The following CEP128 variants were observed in gnomAD, a reference collection of about 807,000 sequenced individuals.
The protein encoded by CEP128 is centrosomal protein 128.
In CEP128, 132 loss-of-function variants were observed where a neutral mutation model predicts 156.7. The observed-to-expected ratio is 0.84, with a 90% CI of 0.73 to 0.97. The LOEUF is 0.97. Ranked by LOEUF, CEP128 falls within the 50% of genes least tolerant of loss-of-function variation. CEP128 has a pLI of 0.00. For synonymous variants in CEP128, 469 were observed against 448.9 expected, an observed-to-expected ratio of 1.04 and a Z score of -0.57; for missense variants, 1,252 against 1,281.9, an observed-to-expected ratio of 0.98 and a Z score of 0.36.
chr14:80,926,564 A>G (rs1267870957), intron 2 of CEP128, among the ~76,000 whole-genome samples: 1 of 152,074 alleles, frequency 6.6e-6, no homozygotes, highest in Non-Finnish European at 1.5e-5. Flanking sequence ...TTGCCCATCC[A>G]CCTACTCTGG....
chr14:80,801,507 T>A (rs1481080765), intron 13 of CEP128, among the ~76,000 whole-genome samples: 3 of 151,728 alleles, frequency 2.0e-5, no homozygotes, highest in Admixed American at 6.6e-5. Flanking sequence ...AACTTAAACA[T>A]ATTTAGAAGA....
intron 16 of CEP128, among the ~76,000 whole-genome samples, chr14:80,762,271 T>G (rs923208545): frequency 4.0e-5 from 5 of 124,304 alleles, no homozygotes; most frequent in Non-Finnish European, 8.8e-5. Flanking sequence ...TAAATCATTA[T>G]GATTATACAG....
At chr14:80,709,232 G>A (rs530947267) in intron 19 of CEP128, among the ~76,000 whole-genome samples, 5 of 151,460 alleles carry the variant, frequency 3.3e-5, no homozygotes, top group South Asian at 4.2e-4. Flanking sequence ...TCTGCTTCCC[G>A]GGTTCAAGTG....
chr14:80,800,263 G>C (rs1883763676), intron 13 of CEP128, among the ~76,000 whole-genome samples: 1 of 152,116 alleles, frequency 6.6e-6, no homozygotes, highest in East Asian at 1.9e-4. Flanking sequence ...TTATAAAATG[G>C]ACTCAATAAC....
intron 13 of CEP128, among the ~76,000 whole-genome samples, chr14:80,802,847 C>T (rs1327394290): frequency 6.6e-6 from 1 of 152,042 alleles, no homozygotes; most frequent in Non-Finnish European, 1.5e-5. Flanking sequence ...ATTATGGCAA[C>T]ATTAAAAATA....
intron 8 of CEP128, among the ~76,000 whole-genome samples, chr14:80,889,524 G>A (rs1013879618): frequency 1.4e-4 from 22 of 152,296 alleles, no homozygotes; most frequent in African/African-American, 5.1e-4. Context: ...ACAAGAAATG[G>A]AGAAAGGATT....
rs149827319 is a variant in CEP128 at position 80,743,206 on chromosome 14, C to T, written c.2675G>A (p.Arg892Gln). Residue 892 changes from arginine to glutamine, a missense_variant, in exon 19 of 25, where the codon CGA becomes CAA. Physicochemically the swap from Arg to Gln is conservative, Grantham distance 43 (BLOSUM62 1). Coordinates refer to ENST00000555265, the MANE Select transcript of CEP128 (RefSeq NM_152446.5). Reference protein sequence around the residue: ...KERENREKNLRHQLMLCRQQL... With the variant: ...KERENREKNLQHQLMLCRQQL... ...TTGTCTGCAGAGCATCAGCTGGTGTCGCAGATTTTTCTCTCTGTTTTCTCT... is the reference window on the plus strand; with the variant it reads ...TTGTCTGCAGAGCATCAGCTGGTGTTGCAGATTTTTCTCTCTGTTTTCTCT... 6.8e-6 allele frequency: 11 copies of T among 1,613,490 alleles called. No individual in the cohort carries two copies. In the African/African-American group the frequency reaches 1.2e-4, roughly 18 times the overall value.
At chr14:80,847,035 T>G (rs1447877426) in intron 9 of CEP128, among the ~76,000 whole-genome samples, 2 of 152,168 alleles carry the variant, frequency 1.3e-5, no homozygotes, top group Non-Finnish European at 2.9e-5. Context: ...TAGCTTGCTC[T>G]GTAAATGGAA....
chr14:80,580,891 A>G (rs893737189), intron 19 of CEP128, among the ~76,000 whole-genome samples: 1 of 152,204 alleles, frequency 6.6e-6, no homozygotes, highest in Non-Finnish European at 1.5e-5. Flanking sequence ...ACCAAATTAA[A>G]ACACCCTGGA....
chr14:80,678,049 A>AAAAAATATAT, intron 19 of CEP128, among the ~76,000 whole-genome samples: 23 of 98,502 alleles, frequency 2.3e-4, no homozygotes, highest in South Asian at 5.5e-4. Context: ...ATAAAAAAAA[A>AAAAAATATAT]ATATATATAT....
intron 14 of CEP128, among the ~76,000 whole-genome samples, chr14:80,787,461 G>GAA (rs770198827): frequency 2.8e-5 from 4 of 144,508 alleles, no homozygotes; most frequent in Non-Finnish European, 6.1e-5. Context: ...TCAATAGCCA[G>GAA]AAAAAAAAAA....
chr14:80,708,777 A>T (rs147180206), intron 19 of CEP128, among the ~76,000 whole-genome samples: 1 of 152,206 alleles, frequency 6.6e-6, no homozygotes, highest in Admixed American at 6.5e-5. Context: ...TTGAATAATT[A>T]AAGTTTTTAC....
At chr14:80,601,105 C>T (rs61981702) in intron 19 of CEP128, among the ~76,000 whole-genome samples, 25,426 of 151,820 alleles carry the variant, frequency 0.17, 2,427 homozygotes, top group East Asian at 0.2. Flanking sequence ...TGGGAAATCT[C>T]TATTAAATAT....
intron 2 of CEP128, among the ~76,000 whole-genome samples, chr14:80,919,990 A>C (rs1334716251): frequency 6.6e-6 from 1 of 152,232 alleles, no homozygotes; most frequent in Non-Finnish European, 1.5e-5. Flanking sequence ...AAGCATATGA[A>C]ACATTCAGCA....
At chr14:80,723,082 T>C (rs530900281) in intron 19 of CEP128, among the ~76,000 whole-genome samples, 123 of 152,158 alleles carry the variant, frequency 8.1e-4, no homozygotes, top group African/African-American at 2.8e-3. Context: ...CGCCTCGGCC[T>C]CCCAAAGTGC....
At chr14:80,643,170 A>T (rs958365313) in intron 19 of CEP128, among the ~76,000 whole-genome samples, 3 of 152,220 alleles carry the variant, frequency 2.0e-5, no homozygotes, top group African/African-American at 7.2e-5. Context: ...ATCTTTTTAA[A>T]TCATCAGGAA....
intron 19 of CEP128, among the ~76,000 whole-genome samples, chr14:80,731,209 G>GTATT (rs1458353825): frequency 1.3e-5 from 2 of 152,190 alleles, no homozygotes; most frequent in Non-Finnish European, 2.9e-5. Context: ...GGTTGACAGA[G>GTATT]TATTGCTGGT....
intron 23 of CEP128, among the ~76,000 whole-genome samples, chr14:80,519,094 A>G (rs1566753184): frequency 6.6e-6 from 1 of 152,226 alleles, no homozygotes; most frequent in Non-Finnish European, 1.5e-5. Flanking sequence ...ATTCTTTGCA[A>G]TTCTAATAAT....
chr14:80,675,290 A>G (rs1896014124), intron 19 of CEP128, among the ~76,000 whole-genome samples: 1 of 152,102 alleles, frequency 6.6e-6, no homozygotes, highest in Non-Finnish European at 1.5e-5. Flanking sequence ...TGTTAGACAC[A>G]TGCAACAGAT....
Sources: allele counts gnomAD v4.1 joint callset (sites outside exome capture counted in the v4.1 genomes callset), GRCh38; gene constraint gnomAD v4.1.1; transcripts MANE v1.5; gene names NCBI Gene and HGNC (gene_info 2026-07-23, HGNC 2026-07-21).